Variants in GRIN2B observed in about 807,000 individuals in gnomAD.
The protein encoded by GRIN2B is glutamate ionotropic receptor NMDA type subunit 2B.
GRIN2B carries 5 observed loss-of-function variants against 114.5 expected under a neutral mutation model. That is an observed-to-expected ratio of 0.04 (90% CI 0.02 to 0.09). The LOEUF is 0.09. Among genes scored for constraint, GRIN2B ranks in the 10% least tolerant of loss-of-function variants. The pLI, the probability that GRIN2B is intolerant of heterozygous loss-of-function variation, is 1.00. For synonymous variants in GRIN2B, 787 were observed against 745.1 expected, an observed-to-expected ratio of 1.06 and a Z score of -0.92; for missense variants, 1,108 against 1,943.5, an observed-to-expected ratio of 0.57 and a Z score of 8.08.
chr12:13,615,469 G>C lies in GRIN2B; in HGVS notation c.1500+24C>G. 2 of 1,595,606 alleles carry C rather than the reference G, an allele frequency of 1.3e-6. No homozygotes were observed. Among genetic ancestry groups the C allele is most frequent in the Non-Finnish European group, 8.6e-7 (1 of 1,163,182 alleles). On this transcript the variant is annotated intron_variant, in intron 7 of 13. Transcript: ENST00000609686. The surrounding 1 kb of genome is among the most constrained non-coding windows in gnomAD (Gnocchi z 5.8). Reference sequence around the variant, plus strand: ...AGGAAAATAAATGAAAATGGAAATGGAAACAGCCCTTGTGGACACTCACCT... The same window carrying C: ...AGGAAAATAAATGAAAATGGAAATGCAAACAGCCCTTGTGGACACTCACCT...
intron 2 of GRIN2B, among the ~76,000 whole-genome samples, chr12:13,880,956 T>C (rs1273668168): frequency 1.3e-5 from 2 of 152,202 alleles, no homozygotes; most frequent in African/African-American, 4.8e-5. Context: ...AGTTTTCAAA[T>C]TCTCTTGCCT....
chr12:13,707,938 C>T (rs1565508270), intron 4 of GRIN2B, among the ~76,000 whole-genome samples: 3 of 151,934 alleles, frequency 2.0e-5, no homozygotes, highest in African/African-American at 2.4e-5. Flanking sequence ...CCACAGAGCT[C>T]TTGTAGAGAG....
At position 13,753,977 on chromosome 12, in the gene GRIN2B, G is replaced by A. The variant is rs1863535284; in HGVS notation, c.412-62C>T. On this transcript the variant is annotated intron_variant, in intron 3 of 13. Transcript: ENST00000609686. The surrounding 1 kb of genome is among the most constrained non-coding windows in gnomAD (Gnocchi z 6.2). ...AAAAATCAAACCAAAGATGGTAATG[G>A]AGATTTTGAACCAAGTGGGTACAAA... 1.8e-6 allele frequency: 2 copies of A among 1,085,306 alleles called. No homozygotes were observed. The highest frequency in any genetic ancestry group is 2.8e-6 in the Non-Finnish European group (2 of 706,876). 67.2% of individuals were successfully genotyped at this position (1,085,306 alleles called of 1,614,324 possible).
intron 2 of GRIN2B, among the ~76,000 whole-genome samples, chr12:13,892,236 A>G (rs1866274629): frequency 1.3e-5 from 2 of 152,154 alleles, no homozygotes; most frequent in Admixed American, 1.3e-4. Flanking sequence ...CCTTCTCATA[A>G]TAGGTTTTCA....
chr12:13,600,134 A>G (rs1173943334), intron 10 of GRIN2B, among the ~76,000 whole-genome samples: 1 of 152,138 alleles, frequency 6.6e-6, no homozygotes, highest in Non-Finnish European at 1.5e-5. Context: ...TTGCATAGGG[A>G]TACCTTTCTA....
At chr12:13,890,917 G>A (rs1182923907) in intron 2 of GRIN2B, among the ~76,000 whole-genome samples, 2 of 152,080 alleles carry the variant, frequency 1.3e-5, no homozygotes, top group Non-Finnish European at 1.5e-5. Context: ...CAGTGGGCCC[G>A]GAACCCATCT....
chr12:13,795,255 GA>G (rs1007539587), intron 3 of GRIN2B, among the ~76,000 whole-genome samples: 20 of 151,522 alleles, frequency 1.3e-4, no homozygotes, highest in Non-Finnish European at 1.6e-4. Context: ...CTATAAGATA[GA>G]AAAAAAGTTA....
At chr12:13,949,965 A>T (rs1161587734) in intron 2 of GRIN2B, among the ~76,000 whole-genome samples, 1 of 152,230 alleles carries the variant, frequency 6.6e-6, no homozygotes, top group African/African-American at 2.4e-5. Context: ...AGCAACAAAA[A>T]GTAGTAAACA....
chr12:13,727,473 T>A (rs551836963), intron 4 of GRIN2B, among the ~76,000 whole-genome samples: 1 of 152,318 alleles, frequency 6.6e-6, no homozygotes. Context: ...ATTTGGGGCT[T>A]TAGCATTGGG....
chr12:13,655,055 T>A (rs1461668238), intron 5 of GRIN2B, among the ~76,000 whole-genome samples: 1 of 152,048 alleles, frequency 6.6e-6, no homozygotes, highest in Admixed American at 6.5e-5. Flanking sequence ...GTAAAAGAAG[T>A]GAATTAGTAA....
intron 2 of GRIN2B, among the ~76,000 whole-genome samples, chr12:13,973,214 C>T (rs1384239456): frequency 6.6e-6 from 1 of 152,156 alleles, no homozygotes; most frequent in Non-Finnish European, 1.5e-5. Flanking sequence ...GAAACAAGAT[C>T]TGATTTCCTA....
intron 4 of GRIN2B, among the ~76,000 whole-genome samples, chr12:13,719,396 G>A (rs988341481): frequency 6.7e-6 from 1 of 148,388 alleles, no homozygotes; most frequent in African/African-American, 2.5e-5. Context: ...GTACTCTGTT[G>A]TAAACTCTAA....
chr12:13,787,763 T>C (rs1864244062), intron 3 of GRIN2B, among the ~76,000 whole-genome samples: 1 of 152,192 alleles, frequency 6.6e-6, no homozygotes, highest in African/African-American at 2.4e-5. Flanking sequence ...CCTACATTTT[T>C]AAGAATAAAG....
intron 10 of GRIN2B, among the ~76,000 whole-genome samples, chr12:13,608,144 G>C (rs534050970): frequency 6.6e-6 from 1 of 152,174 alleles, no homozygotes; most frequent in African/African-American, 2.4e-5. Context: ...GCTTCTTCCT[G>C]CTCAGCCCCA....
chr12:13,963,618 C>G (rs1034301049), intron 2 of GRIN2B, among the ~76,000 whole-genome samples: 1 of 152,156 alleles, frequency 6.6e-6, no homozygotes, highest in Admixed American at 6.5e-5. Context: ...AGAGGAAAAG[C>G]TGGCAGTCAA....
chr12:13,903,726 A>G (rs1209719094), intron 2 of GRIN2B, among the ~76,000 whole-genome samples: 2 of 152,022 alleles, frequency 1.3e-5, no homozygotes, highest in East Asian at 3.8e-4. Context: ...TTACCTTTTC[A>G]TGTCAAGTTT....
intron 3 of GRIN2B, among the ~76,000 whole-genome samples, chr12:13,775,969 A>G (rs552562726): frequency 1.3e-5 from 2 of 152,190 alleles, no homozygotes; most frequent in African/African-American, 4.8e-5. Flanking sequence ...ATAAAGACAC[A>G]TGTACACGTA....
At chr12:13,780,866 T>C (rs1864098843) in intron 3 of GRIN2B, among the ~76,000 whole-genome samples, 2 of 150,494 alleles carry the variant, frequency 1.3e-5, no homozygotes, top group Non-Finnish European at 2.9e-5. Context: ...TACAGAGATG[T>C]TTGCATAGTT....
At chr12:13,918,036 CTGG>C (rs992223909) in intron 2 of GRIN2B, among the ~76,000 whole-genome samples, 2 of 152,134 alleles carry the variant, frequency 1.3e-5, no homozygotes, top group African/African-American at 4.8e-5. Flanking sequence ...TCCCCAGAAA[CTGG>C]AACCAAGTAG....
Sources: gnomAD v4.1 joint callset for allele counts (sites outside exome capture counted in the v4.1 genomes callset) on GRCh38, gnomAD v4.1.1 for gene constraint, Gnocchi (gnomAD v3.1) non-coding constraint, MANE v1.5 for transcripts, NCBI Gene and HGNC (gene_info 2026-07-23, HGNC 2026-07-21) for gene names.